Variants in FER1L6 observed in about 807,000 individuals in gnomAD.
The protein encoded by FER1L6 is fer-1-like protein 6.
FER1L6 carries 177 observed loss-of-function variants against 219.2 expected under a neutral mutation model. That is an observed-to-expected ratio of 0.81 (90% CI 0.71 to 0.91). The LOEUF is 0.91. FER1L6 is among the 40% of genes least tolerant of loss of function. The pLI is 0.00. For missense variants in FER1L6, 2,153 were observed against 2,259.9 expected (o/e 0.95, Z 0.96); for synonymous variants, 768 against 824.3 (o/e 0.93, Z 1.17).
rs112439233 is a variant in FER1L6 at position 123,866,451 on chromosome 8, C to T, written c.-8+14266C>T. Among the ~76,000 whole-genome samples the T allele has an allele frequency of 2.0e-4, 31 of 152,118 alleles. 1 individual carries two copies. Among genetic ancestry groups the T allele is most frequent in the African/African-American group, 7.2e-4 (30 of 41,480 alleles). ...ATTGTGAATAATGATGAAATAAACACGGGAGTGCAGATATATCCTTGGCAT... is the reference window on the plus strand; with the variant it reads ...ATTGTGAATAATGATGAAATAAACATGGGAGTGCAGATATATCCTTGGCAT... On this transcript the variant is annotated intron_variant, in intron 1 of 40. Coordinates refer to ENST00000522917, the MANE Select transcript of FER1L6 (RefSeq NM_001039112.2).
intron 6 of FER1L6, 137 bp downstream of exon 6, chr8:123,970,234 C>T: frequency 2.6e-6 from 2 of 772,022 alleles, no homozygotes; most frequent in Non-Finnish European, 4.5e-6. Context: ...GTCTAACCAA[C>T]AGGCAGAACT....
intron 12 of FER1L6, 70 bp from the exon 13 acceptor site, chr8:124,003,097 C>A: frequency 7.4e-7 from 1 of 1,354,886 alleles, no homozygotes; most frequent in Non-Finnish European, 1.0e-6. Context: ...GAGTTTGGAT[C>A]CTTTATGCCA....
chr8:124,117,046 A>T (rs947528316), intron 39 of FER1L6, among the ~76,000 whole-genome samples: 1 of 152,212 alleles, frequency 6.6e-6, no homozygotes, highest in Non-Finnish European at 1.5e-5. Context: ...TGTTAGAGCT[A>T]GGCAGGCTCT....
intron 22 of FER1L6, among the ~76,000 whole-genome samples, chr8:124,059,786 G>A (rs538302366): frequency 2.6e-5 from 4 of 152,316 alleles, no homozygotes; most frequent in South Asian, 2.1e-4. Flanking sequence ...TGACAAGTCC[G>A]AAGGGAGTGG....
intron 2 of FER1L6, among the ~76,000 whole-genome samples, chr8:123,962,093 G>A (rs1193108205): frequency 1.3e-5 from 2 of 152,004 alleles, no homozygotes; most frequent in Admixed American, 6.5e-5. Context: ...GTTTCACCAC[G>A]TTAGCCAGGA....
At chr8:124,109,660 T>C (rs1822933126) in intron 39 of FER1L6, among the ~76,000 whole-genome samples, 1 of 152,140 alleles carries the variant, frequency 6.6e-6, no homozygotes, top group Non-Finnish European at 1.5e-5. Context: ...ATCAACATAG[T>C]TTTTTCCTGA....
At chr8:123,865,573 C>G (rs965787495) in intron 1 of FER1L6, among the ~76,000 whole-genome samples, 5 of 151,402 alleles carry the variant, frequency 3.3e-5, no homozygotes, top group Non-Finnish European at 1.5e-5. Context: ...GGCGCCCCTC[C>G]CCCAGCCTCG....
chr8:123,926,778 CTATT>C (rs1236509606), intron 1 of FER1L6, among the ~76,000 whole-genome samples: 3 of 152,080 alleles, frequency 2.0e-5, no homozygotes, highest in African/African-American at 7.2e-5. Flanking sequence ...TGATGTGAAG[CTATT>C]TATTGTCTAA....
At chr8:124,076,451 T>G in intron 32 of FER1L6, 126 bp downstream of exon 32, 1 of 920,354 alleles carries the variant, frequency 1.1e-6, no homozygotes, top group Non-Finnish European at 1.7e-6. Flanking sequence ...AAATACTGGC[T>G]TCTGCTCTTG....
At chr8:123,964,548 G>A (rs1424739448) in intron 3 of FER1L6, among the ~76,000 whole-genome samples, 2 of 152,016 alleles carry the variant, frequency 1.3e-5, no homozygotes, top group African/African-American at 4.8e-5. Context: ...TCCTTCCTTT[G>A]CCGCACCCTG....
At chr8:123,881,617 G>A (rs1273790927) in intron 1 of FER1L6, among the ~76,000 whole-genome samples, 3 of 152,088 alleles carry the variant, frequency 2.0e-5, no homozygotes, top group Middle Eastern at 3.2e-3. Context: ...GCCATCCTTA[G>A]ACCCACACAA....
rs368849069 is a variant in FER1L6, at chr8:124,008,932, AAT to A, written c.1701-1661_1701-1660del. On this transcript the variant is annotated intron_variant, in intron 13 of 40. Coordinates refer to ENST00000522917, the MANE Select transcript of FER1L6 (RefSeq NM_001039112.2). ...AAAACCACAATGCTCAAAATGCACAAATGATCAAAATGCACAAATGCAAATCA... is the reference window on the plus strand; with the variant it reads ...AAAACCACAATGCTCAAAATGCACAAGATCAAAATGCACAAATGCAAATCA... Among the ~76,000 whole-genome samples, 187 of 141,656 alleles carry A rather than the reference AAT, an allele frequency of 1.3e-3. 1 individual carries two copies. Among genetic ancestry groups the A allele is most frequent in the African/African-American group, 5.1e-3 (177 of 34,578 alleles). The allele number at this position is 141,656 out of a possible 152,430, so 92.9% of individuals were successfully genotyped here.
chr8:124,023,103 G>T (rs1490795375), intron 17 of FER1L6, among the ~76,000 whole-genome samples: 1 of 152,090 alleles, frequency 6.6e-6, no homozygotes, highest in Non-Finnish European at 1.5e-5. Context: ...TTTTAGTAGA[G>T]ATGTGGTTTC....
chr8:123,925,332 T>C (rs1563688431), intron 1 of FER1L6, among the ~76,000 whole-genome samples: 1 of 152,234 alleles, frequency 6.6e-6, no homozygotes, highest in African/African-American at 2.4e-5. Context: ...TGCTGAATTA[T>C]CCACATTCCA....
chr8:123,856,848 C>T (rs752117274), intron 1 of FER1L6, among the ~76,000 whole-genome samples: 10 of 151,902 alleles, frequency 6.6e-5, no homozygotes, highest in Non-Finnish European at 1.0e-4. Context: ...AAAAAATGTC[C>T]CACTATTGCG....
At chr8:123,883,860 T>C (rs139825049) in intron 1 of FER1L6, among the ~76,000 whole-genome samples, 16 of 152,352 alleles carry the variant, frequency 1.1e-4, no homozygotes, top group African/African-American at 3.8e-4. Context: ...TCTGTTCTCA[T>C]GACTTCATCG....
chr8:123,989,902 G>T (rs1470279357), intron 12 of FER1L6, among the ~76,000 whole-genome samples: 1 of 152,148 alleles, frequency 6.6e-6, no homozygotes, highest in African/African-American at 2.4e-5. Context: ...ATGATATAAT[G>T]ACCTTTTTTC....
chr8:124,075,973 C>CT (rs1167440288), intron 31 of FER1L6, among the ~76,000 whole-genome samples: 1 of 152,162 alleles, frequency 6.6e-6, no homozygotes, highest in East Asian at 1.9e-4. Flanking sequence ...AATAATTTTT[C>CT]TTTTTAGCAG....
Position 124,118,932 on chromosome 8 carries a change from T to C in FER1L6, c.5378T>C (p.Leu1793Pro), listed in dbSNP as rs1416718973. The C allele has an allele frequency of 1.2e-6, 2 of 1,613,206 alleles. No homozygotes were observed. The highest frequency in any genetic ancestry group is 1.3e-5 in the African/African-American group (1 of 74,508). Residue 1793 changes from leucine to proline, a missense_variant, in exon 40 of 41, where the codon CTG becomes CCG. Leu to Pro is a moderately conservative substitution (Grantham distance 98). Transcript: ENST00000522917. ...VGKARKEPEP[L>P]AKPNRPDTSF... The stretch of plus-strand genomic sequence containing the variant: ...AAAGCCCGAAAGGAGCCAGAGCCCC[T>C]GGCCAAGCCCAAGTGAGTGGAGTTG...
Sources: allele counts gnomAD v4.1 joint callset (sites outside exome capture counted in the v4.1 genomes callset), GRCh38; gene constraint gnomAD v4.1.1; transcripts MANE v1.5; gene names NCBI Gene and HGNC (gene_info 2026-07-23, HGNC 2026-07-21).